The following HABP4 variants were observed in gnomAD, a reference collection of about 807,000 sequenced individuals.
The protein encoded by HABP4 is intracellular hyaluronan-binding protein 4.
Under a neutral mutation model 44.1 loss-of-function variants are expected in HABP4, and 32 were observed. That is an observed-to-expected ratio of 0.73 (90% CI 0.55 to 0.97). The LOEUF is 0.97. Among genes scored for constraint, HABP4 ranks in the 50% least tolerant of loss-of-function variants. HABP4 has a pLI of 0.00. For missense variants in HABP4, 503 were observed against 561.9 expected, an observed-to-expected ratio of 0.90 and a Z score of 1.06; for synonymous variants, 216 against 218.0, an observed-to-expected ratio of 0.99 and a Z score of 0.08.
chr9:96,451,458 T>C, intron 1 of HABP4: 1 of 985,004 alleles, frequency 1.0e-6, no homozygotes, highest in Non-Finnish European at 1.2e-6. Flanking sequence ...TGTTTCCTGT[T>C]TTCTTGAAAT....
At chr9:96,451,585 A>G (rs1832278936) in intron 1 of HABP4, 2 of 485,288 alleles carry the variant, frequency 4.1e-6, no homozygotes, top group East Asian at 3.0e-4. Flanking sequence ...CTTGCTTGAT[A>G]AAAATTGTGC....
In HABP4 at chr9:96,490,104, G is replaced by A; in HGVS notation, c.*66G>A. The A allele has an allele frequency of 1.1e-6, 1 of 936,754 alleles. No individual in the cohort carries two copies. The allele number at this position is 936,754 out of a possible 1,614,324, so 58.0% of individuals were successfully genotyped here. A position where few individuals can be genotyped will look rare whatever the true frequency, so the allele number is the denominator to read the frequency against. ...CCTGTGGGGAGACTTTTCCAGCTGGGCCAAGGGAGTCAGACTCTAAGAACA... is the reference window on the plus strand; with the variant it reads ...CCTGTGGGGAGACTTTTCCAGCTGGACCAAGGGAGTCAGACTCTAAGAACA... On this transcript the variant is annotated 3_prime_UTR_variant, in exon 8 of 8. Coordinates refer to ENST00000375249, the MANE Select transcript of HABP4 (RefSeq NM_014282.4).
At chr9:96,480,699 T>TC (rs1832861697) in intron 5 of HABP4, among the ~76,000 whole-genome samples, 1 of 152,236 alleles carries the variant, frequency 6.6e-6, no homozygotes, top group African/African-American at 2.4e-5. Context: ...TAAATAGAAT[T>TC]AATATTTGTT....
chr9:96,467,049 G>A (rs1025098851), intron 4 of HABP4, among the ~76,000 whole-genome samples: 1 of 150,906 alleles, frequency 6.6e-6, no homozygotes, highest in African/African-American at 2.4e-5. Context: ...CAGCCTCCCA[G>A]GTAGGTGGGA....
chr9:96,459,239 A>G (rs1023471903), intron 2 of HABP4, among the ~76,000 whole-genome samples: 2 of 152,198 alleles, frequency 1.3e-5, no homozygotes, highest in Non-Finnish European at 2.9e-5. Context: ...ACCAATTTAG[A>G]CTGCTCAATG....
intron 2 of HABP4, among the ~76,000 whole-genome samples, chr9:96,461,966 G>A (rs767006959): frequency 4.0e-5 from 6 of 151,860 alleles, no homozygotes; most frequent in Non-Finnish European, 8.8e-5. Flanking sequence ...AGACCAGCCT[G>A]GCCAACATAG....
chr9:96,467,707 G>C (rs1038151605), intron 4 of HABP4, among the ~76,000 whole-genome samples: 1 of 151,774 alleles, frequency 6.6e-6, no homozygotes, highest in Admixed American at 6.6e-5. Context: ...TGTGTTTTTA[G>C]TAGAGATGGT....
At chr9:96,473,853 G>A (rs925865138) in intron 5 of HABP4, among the ~76,000 whole-genome samples, 4 of 152,218 alleles carry the variant, frequency 2.6e-5, no homozygotes, top group African/African-American at 9.6e-5. Context: ...AAAAGGCAGG[G>A]TGTCTAGTGG....
chr9:96,464,812 C>T (rs187285560), intron 2 of HABP4, among the ~76,000 whole-genome samples: 17 of 152,178 alleles, frequency 1.1e-4, no homozygotes, highest in Admixed American at 2.0e-4. Context: ...CAAATGTTAC[C>T]GGCTGGTTGT....
chr9:96,457,897 T>TA (rs1232507043), intron 1 of HABP4, among the ~76,000 whole-genome samples: 1 of 151,872 alleles, frequency 6.6e-6, no homozygotes, highest in Non-Finnish European at 1.5e-5. Flanking sequence ...GTAAATAAAT[T>TA]AAAAAAATAC....
At chr9:96,462,194 G>A (rs1832511503) in intron 2 of HABP4, among the ~76,000 whole-genome samples, 1 of 151,092 alleles carries the variant, frequency 6.6e-6, no homozygotes, top group African/African-American at 2.4e-5. Flanking sequence ...GCTCTCACCT[G>A]AAATCCCAAC....
Position 96,470,266 on chromosome 9 carries a change from G to A in HABP4, c.744-745G>A, listed in dbSNP as rs746330820. On this transcript the variant is annotated intron_variant, in intron 4 of 7. Coordinates refer to ENST00000375249, the MANE Select transcript of HABP4 (RefSeq NM_014282.4). ...CGAGACTACAGTGAGCTGTGATGGC[G>A]CCACCGCACTCCAACCACCATGCCC... Among the ~76,000 whole-genome samples the A allele has an allele frequency of 7.9e-5, 12 of 151,996 alleles. 1 individual carries two copies. Among genetic ancestry groups the A allele is most frequent in the South Asian group, 4.2e-4 (2 of 4,792 alleles).
chr9:96,460,756 G>A (rs933134134), intron 2 of HABP4, among the ~76,000 whole-genome samples: 13 of 152,176 alleles, frequency 8.5e-5, no homozygotes, highest in South Asian at 2.1e-4. Context: ...ATGAGGTTAC[G>A]CACTTTTGGC....
chr9:96,458,523 A>G lies in HABP4; in HGVS notation c.494A>G (p.Glu165Gly). The G allele has an allele frequency of 6.2e-7, 1 of 1,612,466 alleles. No homozygotes were observed. Residue 165 changes from glutamate (E) to glycine (G), a missense_variant, in exon 2 of 8, where the codon GAG becomes GGG. Glu to Gly is a moderately conservative substitution (Grantham distance 98). Around this residue, in one of 3 missense-constraint regions of HABP4, gnomAD observed 290 missense variants for 300.5 expected, o/e 0.97. Coordinates refer to ENST00000375249, the MANE Select transcript of HABP4 (RefSeq NM_014282.4). ...GAGAGGCAGGCAGACTTCACAGCTGAGAAGTTTCCAGATGAAAAGTATGTG... is the reference window on the plus strand; with the variant it reads ...GAGAGGCAGGCAGACTTCACAGCTGGGAAGTTTCCAGATGAAAAGTATGTG... ...ETERQADFTAEKFPDEKPGDR... is the reference protein window; with the variant it reads ...ETERQADFTAGKFPDEKPGDR...
intron 5 of HABP4, among the ~76,000 whole-genome samples, chr9:96,474,845 G>C (rs1252645235): frequency 6.6e-6 from 1 of 152,076 alleles, no homozygotes; most frequent in African/African-American, 2.4e-5. Context: ...GTACCTCTCA[G>C]TTCTAGAATG....
rs373190577 is a variant in HABP4, at chr9:96,482,381, A to T, written c.828-2081A>T. Reference sequence around the variant, plus strand: ...GTGCCTCATCTAAGTGGAATCGTTCAATGTTCCTTTTGCACCTGGCTTATT... The same window carrying T: ...GTGCCTCATCTAAGTGGAATCGTTCTATGTTCCTTTTGCACCTGGCTTATT... On this transcript the variant is annotated intron_variant, in intron 5 of 7. Coordinates refer to ENST00000375249, the MANE Select transcript of HABP4 (RefSeq NM_014282.4). Among the ~76,000 whole-genome samples, 75 of 152,288 alleles carry T rather than the reference A, an allele frequency of 4.9e-4. No individual in the cohort carries two copies. The South Asian group carries it at 0.015, about 31-fold the overall frequency.
At chr9:96,470,949 A>G (rs534096315) in intron 4 of HABP4, 62 bp from the exon 5 acceptor site, 105 of 947,456 alleles carry the variant, frequency 1.1e-4, no homozygotes, top group Non-Finnish European at 1.7e-4. Context: ...TCCTTCTTAA[A>G]CATACAAAGG....
chr9:96,487,191 G>A (rs1017794150), intron 6 of HABP4, among the ~76,000 whole-genome samples: 1 of 147,870 alleles, frequency 6.8e-6, no homozygotes, highest in Non-Finnish European at 1.5e-5. Flanking sequence ...TGATATGCTC[G>A]TGGAAACTTT....
At chr9:96,479,358 G>GT (rs11423014) in intron 5 of HABP4, among the ~76,000 whole-genome samples, 39,651 of 151,892 alleles carry the variant, frequency 0.26, 7,017 homozygotes, top group African/African-American at 0.51. Context: ...ATTTGAAATA[G>GT]TTCTCTTGAT....
Sources: allele counts gnomAD v4.1 joint callset (sites outside exome capture counted in the v4.1 genomes callset), GRCh38; gene constraint gnomAD v4.1.1; regional missense constraint gnomAD v4.1.1; transcripts MANE v1.5; gene names NCBI Gene and HGNC (gene_info 2026-07-23, HGNC 2026-07-21).